The following BCL11B variants were observed in gnomAD, a reference collection of about 807,000 sequenced individuals.
The protein encoded by BCL11B is BCL11 transcription factor B.
A neutral mutation model predicts 49.9 loss-of-function variants in BCL11B; 8 were observed. The observed-to-expected ratio is 0.16, with a 90% CI of 0.09 to 0.29. The LOEUF (loss-of-function observed/expected upper bound fraction) is 0.29, where lower values mean the gene tolerates loss of function less well. Among genes scored for constraint, BCL11B ranks in the 10% least tolerant of loss-of-function variants. The probability of loss-of-function intolerance (pLI) is 1.00; values close to 1 mark genes in which losing one functional copy is unlikely to be tolerated. For synonymous variants in BCL11B, 739 were observed against 637.4 expected (o/e 1.16, Z -2.40); for missense variants, 1,006 against 1,351.0 (o/e 0.74, Z 4.00).
chr14:99,259,651 G>A (rs1889280548), intron 1 of BCL11B, among the ~76,000 whole-genome samples: 1 of 152,170 alleles, frequency 6.6e-6, no homozygotes, highest in Non-Finnish European at 1.5e-5. Context: ...TCTGTTGTCT[G>A]CATCTCTCTA....
chr14:99,214,266 G>C lies in BCL11B; in HGVS notation c.640+17079C>G, dbSNP rs55975444. On this transcript the variant is annotated intron_variant, in intron 3 of 3. Coordinates refer to ENST00000357195, the MANE Select transcript of BCL11B (RefSeq NM_138576.4). The stretch of plus-strand genomic sequence containing the variant: ...AACTTCTACATAAAATCTGAATCCA[G>C]GTGTGGCCAGGTGTGGTGGCTCATG... Among the ~76,000 whole-genome samples, 141 of 152,152 alleles carry C rather than the reference G, an allele frequency of 9.3e-4. 1 individual carries two copies. Among genetic ancestry groups the C allele is most frequent in the African/African-American group, 3.2e-3 (133 of 41,526 alleles).
rs1886276537 is a variant in BCL11B, at chr14:99,171,149, A to G, written c.*3002T>C. 4.4e-6 allele frequency: 1 copy of G among 228,886 alleles called. No individual in the cohort carries two copies. The highest frequency in any genetic ancestry group is 8.7e-6 in the Non-Finnish European group (1 of 115,066). 14.2% of individuals were successfully genotyped at this position (228,886 alleles called of 1,614,324 possible). A position where few individuals can be genotyped will look rare whatever the true frequency, so the allele number is the denominator to read the frequency against. On this transcript the variant is annotated 3_prime_UTR_variant, in exon 4 of 4. Transcript: ENST00000357195. Reference sequence around the variant, plus strand: ...CCATCTGGTCTGCTGTGGCCACACCAAGGAGCCTTGATGCAAGGTTCGGGG... The same window carrying G: ...CCATCTGGTCTGCTGTGGCCACACCGAGGAGCCTTGATGCAAGGTTCGGGG...
chr14:99,238,218 G>A (rs1006585401), intron 2 of BCL11B, among the ~76,000 whole-genome samples: 3 of 152,094 alleles, frequency 2.0e-5, no homozygotes, highest in East Asian at 1.9e-4. Flanking sequence ...AGAAAATGGA[G>A]AGGCAGAGCC....
At position 99,174,647 on chromosome 14, in the gene BCL11B, G is replaced by A; in HGVS notation, c.2189C>T (p.Thr730Met). ...HFMKDPFLGF[T>M]DARQSPFATS... ...GGCGAAGGGCGACTGTCGTGCGTCC[G>A]TGAAGCCCAGGAAGGGGTCCTTCAT... The change falls in exon 4 of 4, where the codon ACG becomes ATG. Residue 730 changes from threonine to methionine, a missense_variant. Physicochemically the swap from Thr to Met is moderately conservative, Grantham distance 81 (BLOSUM62 -1). Coordinates refer to ENST00000357195, the MANE Select transcript of BCL11B (RefSeq NM_138576.4). The A allele has an allele frequency of 1.3e-6, 2 of 1,577,300 alleles. No homozygotes were observed. Among genetic ancestry groups the A allele is most frequent in the African/African-American group, 1.4e-5 (1 of 72,124 alleles).
chr14:99,259,002 A>G (rs1403460886), intron 1 of BCL11B, among the ~76,000 whole-genome samples: 1 of 111,082 alleles, frequency 9.0e-6, no homozygotes, highest in Non-Finnish European at 1.9e-5. Flanking sequence ...AAGACTCGGC[A>G]GCCAAAAGTG....
intron 3 of BCL11B, among the ~76,000 whole-genome samples, chr14:99,197,686 G>A (rs1887217431): frequency 6.6e-6 from 1 of 152,156 alleles, no homozygotes; most frequent in Non-Finnish European, 1.5e-5. Flanking sequence ...AATAGAATAT[G>A]ATTATTTCTA....
intron 3 of BCL11B, among the ~76,000 whole-genome samples, chr14:99,191,978 G>A (rs1388580182): frequency 6.6e-6 from 1 of 152,190 alleles, no homozygotes; most frequent in Non-Finnish European, 1.5e-5. Context: ...GCAAGCTTAA[G>A]TGATTTTTTT....
At chr14:99,230,226 C>T (rs532783700) in intron 3 of BCL11B, among the ~76,000 whole-genome samples, 1 of 152,320 alleles carries the variant, frequency 6.6e-6, no homozygotes, top group Admixed American at 6.5e-5. Flanking sequence ...TTTTGCAGAG[C>T]TGTGGCTCCA....
intron 2 of BCL11B, among the ~76,000 whole-genome samples, chr14:99,256,089 G>C (rs898920102): frequency 3.3e-5 from 5 of 152,214 alleles, no homozygotes; most frequent in Admixed American, 6.5e-5. Flanking sequence ...TTGGAGACGT[G>C]GGGGAGACAG....
At chr14:99,196,663 C>T (rs759176676) in intron 3 of BCL11B, among the ~76,000 whole-genome samples, 21 of 152,294 alleles carry the variant, frequency 1.4e-4, no homozygotes, top group African/African-American at 4.3e-4. Context: ...GCAGTTCCAC[C>T]GGTCAGCTGC....
rs541940631 is a variant in BCL11B, at chr14:99,185,356, G to A, written c.641-9161C>T. ...GGAGGCTGAGGCAGGAGAATTGCTT[G>A]AACCCAGGAGGCGGAGGTTGCGGTG... On this transcript the variant is annotated intron_variant, in intron 3 of 3. Transcript: ENST00000357195. Among the ~76,000 whole-genome samples, 21 of 151,710 alleles carry A rather than the reference G, an allele frequency of 1.4e-4. No individual in the cohort carries two copies. The East Asian group carries it at 3.5e-3, about 25-fold the overall frequency.
intron 2 of BCL11B, among the ~76,000 whole-genome samples, chr14:99,251,311 C>T (rs1889001473): frequency 1.3e-5 from 2 of 152,140 alleles, no homozygotes; most frequent in African/African-American, 4.8e-5. Context: ...GCAGGATCTC[C>T]ATTATCAACA....
Position 99,267,540 on chromosome 14 carries a change from C to A in BCL11B, c.58+3621G>T, listed in dbSNP as rs574715257. Among the ~76,000 whole-genome samples the A allele has an allele frequency of 2.3e-3, 19 of 8,120 alleles. No individual in the cohort carries two copies. The South Asian group carries it at 0.16, about 67-fold the overall frequency. 5.3% of individuals were successfully genotyped at this position (8,120 alleles called of 152,430 possible). A position where few individuals can be genotyped will look rare whatever the true frequency, so the allele number is the denominator to read the frequency against. ...CCCTTCTGTGCAGAAGGGAGAGGAA[C>A]TTCACCCCCCCCCCACCAACTAACC... On this transcript the variant is annotated intron_variant, in intron 1 of 3. Coordinates refer to ENST00000357195, the MANE Select transcript of BCL11B (RefSeq NM_138576.4).
chr14:99,238,760 G>T (rs943639143), intron 2 of BCL11B, among the ~76,000 whole-genome samples: 44 of 152,182 alleles, frequency 2.9e-4, no homozygotes, highest in African/African-American at 1.1e-3. Flanking sequence ...CTCCAGCCGG[G>T]ACGCTGATCA....
rs924396171 is a variant in BCL11B at position 99,270,635 on chromosome 14, AG to A, written c.58+525del. 6.7e-4 allele frequency among the ~76,000 whole-genome samples: 102 copies of A among 152,018 alleles called. 1 individual carries two copies. The East Asian group carries it at 0.019, about 28-fold the overall frequency. ...CCGGGCGCAGGGACCGGGGACCCGG[AG>A]CCGGCGGCCGCCCCTGGCCCTACGG... On this transcript the variant is annotated intron_variant, in intron 1 of 3. Transcript: ENST00000357195.
Position 99,169,352 on chromosome 14 carries a change from A to G in BCL11B, c.*4799T>C. The G allele has an allele frequency of 5.2e-6, 1 of 193,540 alleles. No homozygotes were observed. Among genetic ancestry groups the G allele is most frequent in the Non-Finnish European group, 1.1e-5 (1 of 92,492 alleles). 12.0% of individuals were successfully genotyped at this position (193,540 alleles called of 1,614,324 possible). ...TGAAACCAGAACAAACTTGGTTTTGAACAAGCGTACAAATGAAATGGCAGA... is the reference window on the plus strand; with the variant it reads ...TGAAACCAGAACAAACTTGGTTTTGGACAAGCGTACAAATGAAATGGCAGA... On this transcript the variant is annotated 3_prime_UTR_variant, in exon 4 of 4. Coordinates refer to ENST00000357195, the MANE Select transcript of BCL11B (RefSeq NM_138576.4).
intron 3 of BCL11B, among the ~76,000 whole-genome samples, chr14:99,225,422 T>C (rs1029162675): frequency 6.6e-6 from 1 of 152,218 alleles, no homozygotes; most frequent in African/African-American, 2.4e-5. Context: ...AAGCCTCCTC[T>C]GCCACTTTCC....
intron 1 of BCL11B, among the ~76,000 whole-genome samples, chr14:99,270,560 G>A (rs928425852): frequency 6.6e-6 from 1 of 152,010 alleles, no homozygotes; most frequent in Non-Finnish European, 1.5e-5. Flanking sequence ...GGAGGGGAGA[G>A]AAAGGCGGCT....
chr14:99,181,849 A>G (rs1886713765), intron 3 of BCL11B, among the ~76,000 whole-genome samples: 2 of 152,136 alleles, frequency 1.3e-5, no homozygotes, highest in African/African-American at 4.8e-5. Context: ...ACCCAAGGAG[A>G]TGGCTGGTTT....
Sources: gnomAD v4.1 joint callset for allele counts (sites outside exome capture counted in the v4.1 genomes callset) on GRCh38, gnomAD v4.1.1 for gene constraint, MANE v1.5 for transcripts, NCBI Gene and HGNC (gene_info 2026-07-23, HGNC 2026-07-21) for gene names.